EBF4: variants seen among roughly 807,000 people sequenced by gnomAD.
The protein encoded by EBF4 is EBF transcription factor 4.
Under a neutral mutation model 67.1 loss-of-function variants are expected in EBF4, and 34 were observed. That is an observed-to-expected ratio of 0.51 (90% CI 0.39 to 0.67). The LOEUF is 0.67. Ranked by LOEUF, EBF4 falls within the 30% of genes least tolerant of loss-of-function variation. The pLI is 0.00. For synonymous variants in EBF4, 387 were observed against 377.7 expected (o/e 1.02, Z -0.29); for missense variants, 837 against 873.3 (o/e 0.96, Z 0.52).
At chr20:2,725,933 A>G (rs2087741077) in intron 6 of EBF4, among the ~76,000 whole-genome samples, 1 of 152,106 alleles carries the variant, frequency 6.6e-6, no homozygotes. Flanking sequence ...AATTTCCCTT[A>G]CCGTTTTTAT....
intron 6 of EBF4, among the ~76,000 whole-genome samples, chr20:2,736,002 C>A (rs1185114979): frequency 6.6e-6 from 1 of 152,128 alleles, no homozygotes; most frequent in African/African-American, 2.4e-5. Flanking sequence ...TAGCCAATAG[C>A]CACACATATT....
At chr20:2,705,882 G>A (rs1455766298) in intron 2 of EBF4, 92 bp from the exon 3 acceptor site, 12 of 1,500,740 alleles carry the variant, frequency 8.0e-6, no homozygotes, top group Middle Eastern at 1.7e-4. Flanking sequence ...GGCTGGAAGG[G>A]TGGGAAAGAA....
rs2087791841 is a variant in EBF4 at position 2,729,927 on chromosome 20, C to T, written c.558-18622C>T. ...TGTGCATTGAACTGGAGTCCAACCT[C>T]CAGCCTCAGAGCCACTGGAAGCTCT... On this transcript the variant is annotated intron_variant, in intron 6 of 16. Coordinates refer to ENST00000609451, the Ensembl canonical transcript of EBF4. 1.3e-5 allele frequency among the ~76,000 whole-genome samples: 2 copies of T among 152,186 alleles called. 1 individual carries two copies. The highest frequency in any genetic ancestry group is 1.3e-4 in the Admixed American group (2 of 15,284).
At chr20:2,717,973 G>A (rs2087632838) in intron 6 of EBF4, among the ~76,000 whole-genome samples, 1 of 152,072 alleles carries the variant, frequency 6.6e-6, no homozygotes, top group Non-Finnish European at 1.5e-5. Context: ...ACCATGCCCG[G>A]CTAATTTTTG....
intron 6 of EBF4, 101 bp downstream of exon 6, chr20:2,709,743 G>A: frequency 1.7e-6 from 2 of 1,204,238 alleles, no homozygotes; most frequent in South Asian, 2.2e-5. Context: ...GAGCGGAGCA[G>A]CCCCCCCGGG....
intron 6 of EBF4, among the ~76,000 whole-genome samples, chr20:2,743,434 C>G (rs978222476): frequency 6.6e-6 from 1 of 152,174 alleles, no homozygotes; most frequent in African/African-American, 2.4e-5. Flanking sequence ...TCACCTTTGC[C>G]AAAGCACAGT....
chr20:2,733,992 A>T (rs984098243), intron 6 of EBF4, among the ~76,000 whole-genome samples: 14 of 152,202 alleles, frequency 9.2e-5, no homozygotes, highest in African/African-American at 3.4e-4. Context: ...ATGGGTTTTT[A>T]AAAATATAAT....
rs145087903 is a variant in EBF4 at position 2,748,143 on chromosome 20, C to T, written c.558-406C>T. 3.1e-3 allele frequency among the ~76,000 whole-genome samples: 479 copies of T among 152,096 alleles called. 2 individuals are homozygous for T. Among genetic ancestry groups the T allele is most frequent in the African/African-American group, 0.011 (444 of 41,456 alleles). On this transcript the variant is annotated intron_variant, in intron 6 of 16. Transcript: ENST00000609451. ...GATAACATTACATGGGGTATGTGTGCGTACACGCCACATACGGAGCATATA... is the reference window on the plus strand; with the variant it reads ...GATAACATTACATGGGGTATGTGTGTGTACACGCCACATACGGAGCATATA...
At chr20:2,727,103 A>G (rs533493076) in intron 6 of EBF4, among the ~76,000 whole-genome samples, 112 of 152,244 alleles carry the variant, frequency 7.4e-4, no homozygotes, top group African/African-American at 2.5e-3. Context: ...ATGTGACAGG[A>G]TTGCCTTCCT....
chr20:2,721,976 T>G (rs796218479), intron 6 of EBF4, among the ~76,000 whole-genome samples: 5 of 152,354 alleles, frequency 3.3e-5, no homozygotes, highest in African/African-American at 1.2e-4. Flanking sequence ...GATATTTTTG[T>G]ATTTCTGTAA....
In EBF4 at chr20:2,747,313, C is replaced by CAAAAAAAAAAAAA. The variant is rs1415178435; in HGVS notation, c.558-1233_558-1232insAAAAAAAAAAAAA. Reference sequence around the variant, plus strand: ...CTCTGTCTCAAAACAAAAAACAAAACAAACAAAAAAAAAAAAACAGGAAAA... The same window carrying CAAAAAAAAAAAAA: ...CTCTGTCTCAAAACAAAAAACAAAACAAAAAAAAAAAAAAAACAAAAAAAAAAAAACAGGAAAA... On this transcript the variant is annotated intron_variant, in intron 6 of 16. Transcript: ENST00000609451. This position sits in a 1 kb window ranked among gnomAD's most constrained non-coding sequence, Gnocchi z 4.6. Among the ~76,000 whole-genome samples the CAAAAAAAAAAAAA allele has an allele frequency of 3.2e-5, 4 of 123,292 alleles. No homozygotes were observed. The highest frequency in any genetic ancestry group is 9.9e-5 in the African/African-American group (3 of 30,356). 80.9% of individuals were successfully genotyped at this position (123,292 alleles called of 152,430 possible). A position where few individuals can be genotyped will look rare whatever the true frequency, so the allele number is the denominator to read the frequency against.
chr20:2,722,403 GT>G (rs2087693177), intron 6 of EBF4, among the ~76,000 whole-genome samples: 1 of 151,572 alleles, frequency 6.6e-6, no homozygotes, highest in Non-Finnish European at 1.5e-5. Flanking sequence ...TCCTTTATTC[GT>G]TTTGAGTAAT....
At chr20:2,746,037 G>A (rs895871720) in intron 6 of EBF4, among the ~76,000 whole-genome samples, 13 of 152,200 alleles carry the variant, frequency 8.5e-5, no homozygotes, top group East Asian at 3.8e-4. Context: ...CCGAGCACAC[G>A]AGTACTTAAT....
chr20:2,694,041 C>G (rs2087251779), intron 1 of EBF4, among the ~76,000 whole-genome samples: 2 of 152,236 alleles, frequency 1.3e-5, no homozygotes, highest in African/African-American at 4.8e-5. Flanking sequence ...GCGGTGAACG[C>G]CACCCCAGCC....
At chr20:2,694,808 C>T (rs554352346) in intron 1 of EBF4, among the ~76,000 whole-genome samples, 6 of 152,262 alleles carry the variant, frequency 3.9e-5, no homozygotes, top group South Asian at 2.1e-4. Flanking sequence ...ACACACCGCG[C>T]TTCATGTGCA....
chr20:2,718,236 T>G (rs1005168461), intron 6 of EBF4, among the ~76,000 whole-genome samples: 1 of 152,234 alleles, frequency 6.6e-6, no homozygotes, highest in Non-Finnish European at 1.5e-5. Flanking sequence ...ATGTTCATAA[T>G]GGATATTTTT....
intron 1 of EBF4, among the ~76,000 whole-genome samples, chr20:2,697,507 T>G (rs1266120988): frequency 3.3e-5 from 5 of 149,658 alleles, no homozygotes; most frequent in Non-Finnish European, 3.0e-5. Flanking sequence ...ATCGCGCCAC[T>G]GCACTCCAGC....
At chr20:2,759,184 A>T (rs1318211690) in intron 16 of EBF4, 84 bp from the exon 17 acceptor site, 1 of 593,770 alleles carries the variant, frequency 1.7e-6, no homozygotes, top group Admixed American at 3.0e-5. Context: ...ACCCAAGCTG[A>T]CCAGGTAGAG....
intron 6 of EBF4, among the ~76,000 whole-genome samples, chr20:2,719,747 A>G (rs2087655670): frequency 6.6e-6 from 1 of 152,214 alleles, no homozygotes. Flanking sequence ...TTTGTCAGAC[A>G]ACATGTACTT....
Sources: allele counts gnomAD v4.1 joint callset (sites outside exome capture counted in the v4.1 genomes callset), GRCh38; gene constraint gnomAD v4.1.1; non-coding constraint Gnocchi (gnomAD v3.1); transcripts MANE v1.5; gene names NCBI Gene and HGNC (gene_info 2026-07-23, HGNC 2026-07-21).